SUCO: variants seen among roughly 807,000 people sequenced by gnomAD.
The protein encoded by SUCO is SUN domain containing ossification factor.
Under a neutral mutation model 148.1 loss-of-function variants are expected in SUCO, and 57 were observed. The ratio of observed to expected loss-of-function variants is 0.38; its 90% CI spans 0.31 to 0.48. The LOEUF (loss-of-function observed/expected upper bound fraction) is 0.48, where lower values mean the gene tolerates loss of function less well. Ranked by LOEUF, SUCO falls within the 20% of genes least tolerant of loss-of-function variation. The probability of loss-of-function intolerance (pLI) is 0.96; values close to 1 mark genes in which losing one functional copy is unlikely to be tolerated. For synonymous variants in SUCO, 470 were observed against 502.7 expected (o/e 0.93, Z 0.87); for missense variants, 1,331 against 1,468.2 (o/e 0.91, Z 1.53).
intron 1 of SUCO, among the ~76,000 whole-genome samples, chr1:172,535,673 C>T (rs1430376654): frequency 6.6e-6 from 1 of 152,132 alleles, no homozygotes; most frequent in Non-Finnish European, 1.5e-5. Context: ...CTTTTAGTAG[C>T]CACTTTTGTC....
intron 17 of SUCO, 46 bp downstream of exon 17, chr1:172,585,994 GATAAGT>G: frequency 8.0e-7 from 1 of 1,252,310 alleles, no homozygotes; most frequent in Non-Finnish European, 1.1e-6. Context: ...ACAATGGAGA[GATAAGT>G]ATATTAGTAT....
intron 6 of SUCO, among the ~76,000 whole-genome samples, chr1:172,565,351 C>T (rs1654476845): frequency 6.6e-6 from 1 of 152,146 alleles, no homozygotes; most frequent in Admixed American, 6.5e-5. Flanking sequence ...AGACAGCTCC[C>T]AAGAAGGAGT....
intron 6 of SUCO, 70 bp from the exon 7 acceptor site, chr1:172,568,949 T>C: frequency 7.5e-7 from 1 of 1,337,702 alleles, no homozygotes; most frequent in Non-Finnish European, 1.0e-6. Flanking sequence ...GAAACATTTG[T>C]ATTTATTTCT....
upstream of SUCO, chr1:172,532,462 C>A: frequency 1.3e-6 from 2 of 1,598,946 alleles, no homozygotes; most frequent in East Asian, 2.2e-5. Flanking sequence ...TTTTCCGCTG[C>A]AACCAATCAG....
chr1:172,551,034 G>A, intron 1 of SUCO: 1 of 227,480 alleles, frequency 4.4e-6, no homozygotes, highest in Non-Finnish European at 7.3e-6. Context: ...TTAACCTCTA[G>A]TATTCATTTA....
rs1297493930 is a variant in SUCO, at chr1:172,573,127, T to C, written c.1050-764T>C. Reference sequence around the variant, plus strand: ...GTGTATAATTTGGTAAGTTTTGACATTTATGTATCTGAAGCCATCACCACA... The same window carrying C: ...GTGTATAATTTGGTAAGTTTTGACACTTATGTATCTGAAGCCATCACCACA... On this transcript the variant is annotated intron_variant, in intron 9 of 23. Coordinates refer to ENST00000263688, the MANE Select transcript of SUCO (RefSeq NM_014283.5). Among the ~76,000 whole-genome samples, 3 of 152,314 alleles carry C rather than the reference T, an allele frequency of 2.0e-5. No homozygotes were observed. In the East Asian group the frequency reaches 5.8e-4, roughly 29 times the overall value.
At position 172,584,500 on chromosome 1, in the gene SUCO, C is replaced by T. The variant is rs908070582; in HGVS notation, c.1499-518C>T. 3.3e-5 allele frequency: 7 copies of T among 214,010 alleles called. No individual in the cohort carries two copies. In the South Asian group the frequency reaches 5.0e-4, roughly 15 times the overall value. The allele number at this position is 214,010 out of a possible 1,614,324, so 13.3% of individuals were successfully genotyped here. ...AGAAAAGTATATTTAAGGCCAGGCG[C>T]GGTGGCTAACAGCTGTAATCCTAGC... On this transcript the variant is annotated intron_variant, in intron 15 of 23. Coordinates refer to ENST00000263688, the MANE Select transcript of SUCO (RefSeq NM_014283.5).
intron 23 of SUCO, 110 bp from the exon 24 acceptor site, chr1:172,609,706 T>C (rs1051169602): frequency 3.6e-5 from 53 of 1,481,090 alleles, no homozygotes; most frequent in African/African-American, 5.7e-5. Context: ...ATAATACTGT[T>C]TTACTTTTCA....
rs142931126 is a variant in SUCO at position 172,576,722 on chromosome 1, C to G, written c.1264-817C>G. On this transcript the variant is annotated intron_variant, in intron 11 of 23. Coordinates refer to ENST00000263688, the MANE Select transcript of SUCO (RefSeq NM_014283.5). ...GCCTTATAAAACTTTCCACCTTGTT[C>G]CTTTTATGGTGGGAGATTATACAGC... The G allele has an allele frequency of 3.6e-3, 658 of 181,692 alleles. 4 individuals carry two copies. The highest frequency in any genetic ancestry group is 0.018 in the South Asian group (97 of 5,352). 11.3% of individuals were successfully genotyped at this position (181,692 alleles called of 1,614,324 possible).
chr1:172,562,973 C>T (rs1267925128), intron 6 of SUCO, among the ~76,000 whole-genome samples: 1 of 152,198 alleles, frequency 6.6e-6, no homozygotes. Flanking sequence ...CCTTCACTCT[C>T]TTCCTCCTGC....
chr1:172,536,671 A>G (rs1486632243), intron 1 of SUCO, among the ~76,000 whole-genome samples: 1 of 152,138 alleles, frequency 6.6e-6, no homozygotes, highest in Non-Finnish European at 1.5e-5. Flanking sequence ...TGAACAACAC[A>G]CATTTATTAC....
Position 172,589,265 on chromosome 1 carries a change from G to A in SUCO, c.2164G>A (p.Glu722Lys), listed in dbSNP as rs777639346. 1.9e-6 allele frequency: 3 copies of A among 1,613,806 alleles called. No individual in the cohort carries two copies. The highest frequency in any genetic ancestry group is 2.5e-6 in the Non-Finnish European group (3 of 1,179,878). ...TCACACTGTAGATGCAGTTGAACTT[G>A]AACCAAGCCATTCTCAAACTCTTTC... ...VNHTVDAVEL[E>K]PSHSQTLSQS... The change falls in exon 18 of 24, where the codon GAA (glutamate) becomes AAA (lysine). Residue 722 changes from glutamate to lysine, a missense_variant. Physicochemically the swap from Glu to Lys is moderately conservative, Grantham distance 56. This residue lies in a region of SUCO where 992 missense variants were observed against 1,093.5 expected (regional missense o/e 0.91). Transcript: ENST00000263688.
rs1186795150 is a variant in SUCO at position 172,542,719 on chromosome 1, T to C, written c.63-8793T>C. The C allele has an allele frequency of 4.1e-6, 4 of 985,290 alleles. No individual in the cohort carries two copies. In the East Asian group the frequency reaches 4.5e-4, roughly 112 times the overall value. The allele number at this position is 985,290 out of a possible 1,614,324, so 61.0% of individuals were successfully genotyped here. A position where few individuals can be genotyped will look rare whatever the true frequency, so the allele number is the denominator to read the frequency against. Reference sequence around the variant, plus strand: ...CTGGTGCCAAAAGGTTGGGGACCGCTGTCATAGAGGGAATCATTTTTGAAA... The same window carrying C: ...CTGGTGCCAAAAGGTTGGGGACCGCCGTCATAGAGGGAATCATTTTTGAAA... On this transcript the variant is annotated intron_variant, in intron 1 of 23. Coordinates refer to ENST00000263688, the MANE Select transcript of SUCO (RefSeq NM_014283.5).
intron 7 of SUCO, 42 bp from the exon 8 acceptor site, chr1:172,570,004 TC>T: frequency 1.5e-6 from 2 of 1,320,328 alleles, no homozygotes; most frequent in East Asian, 6.0e-5. Context: ...GTCATAATCA[TC>T]AAATATATAT....
chr1:172,565,909 G>A lies in SUCO; in HGVS notation c.733-3110G>A, dbSNP rs374083360. Among the ~76,000 whole-genome samples the A allele has an allele frequency of 2.0e-5, 3 of 152,322 alleles. No homozygotes were observed. The East Asian group carries it at 5.8e-4, about 29-fold the overall frequency. ...AAGGCTTTTGTTCCCTAGCTTACCT[G>A]ATAATTATGGGGGGTGGTAGAGGGG... is the stretch of plus-strand genomic sequence containing the variant. On this transcript the variant is annotated intron_variant, in intron 6 of 23. Transcript: ENST00000263688.
chr1:172,575,594 G>C lies in SUCO; in HGVS notation c.1234G>C (p.Asp412His). ...GCGGAATGTACAGAGTTTCCCTTTAGATGAACAGATGTATGCAAAATATGT... is the reference window on the plus strand; with the variant it reads ...GCGGAATGTACAGAGTTTCCCTTTACATGAACAGATGTATGCAAAATATGT... ...DERNVQSFPL[D>H]EQMYAKYVKM... The change falls in exon 11 of 24, where the codon GAT (aspartate) becomes CAT (histidine). Residue 412 changes from aspartate (D) to histidine (H), a missense_variant. Transcript: ENST00000263688. 6.2e-7 allele frequency: 1 copy of C among 1,611,512 alleles called. No individual in the cohort carries two copies. The highest frequency in any genetic ancestry group is 8.5e-7 in the Non-Finnish European group (1 of 1,178,158).
At chr1:172,538,309 T>G (rs1409075535) in intron 1 of SUCO, among the ~76,000 whole-genome samples, 1 of 152,194 alleles carries the variant, frequency 6.6e-6, no homozygotes, top group African/African-American at 2.4e-5. Context: ...GTCAGACCAG[T>G]TTTTATCAGT....
intron 12 of SUCO, 98 bp downstream of exon 12, chr1:172,577,657 C>A: frequency 1.3e-6 from 2 of 1,575,552 alleles, no homozygotes; most frequent in South Asian, 2.3e-5. Flanking sequence ...AAAATAAGGA[C>A]TTTATAGAAA....
intron 1 of SUCO, among the ~76,000 whole-genome samples, chr1:172,536,057 A>G (rs1471037515): frequency 6.6e-6 from 1 of 152,256 alleles, no homozygotes; most frequent in Non-Finnish European, 1.5e-5. Flanking sequence ...ATATTTGCTG[A>G]CAGCTGTGTG....
Sources: gnomAD v4.1 joint callset for allele counts (sites outside exome capture counted in the v4.1 genomes callset) on GRCh38, gnomAD v4.1.1 for gene constraint, gnomAD v4.1.1 regional missense constraint, MANE v1.5 for transcripts, NCBI Gene and HGNC (gene_info 2026-07-23, HGNC 2026-07-21) for gene names.